Variants in ALG12 observed in about 807,000 individuals in gnomAD.
ALG12 encodes the protein ALG12 alpha-1,6-mannosyltransferase.
A neutral mutation model predicts 46.0 loss-of-function variants in ALG12; 36 were observed. The observed-to-expected ratio is 0.78, with a 90% CI of 0.60 to 1.03. ALG12 has a LOEUF of 1.03. ALG12 is among the 50% of genes least tolerant of loss of function. ALG12 has a pLI of 0.00. For missense variants in ALG12, 599 were observed against 633.5 expected, an observed-to-expected ratio of 0.95 and a Z score of 0.58; for synonymous variants, 326 against 291.6, an observed-to-expected ratio of 1.12 and a Z score of -1.20.
At chr22:49,874,435 G>C in the ALG12 span, among the ~76,000 whole-genome samples, 7 of 151,274 alleles carry the variant, frequency 4.6e-5, no homozygotes, top group Non-Finnish European at 1.0e-4. Context: ...TCCCAGGCTG[G>C]AGTGCAGTGG....
chr22:49,866,735 T>C, the ALG12 span, among the ~76,000 whole-genome samples: 2 of 152,236 alleles, frequency 1.3e-5, no homozygotes, highest in Non-Finnish European at 2.9e-5. Flanking sequence ...GTGACAGAAT[T>C]CTTTTCTGTT....
chr22:49,865,961 C>T, the ALG12 span, among the ~76,000 whole-genome samples: 1 of 152,086 alleles, frequency 6.6e-6, no homozygotes, highest in East Asian at 1.9e-4. Flanking sequence ...GCCCTCCCGC[C>T]TCCACCTCCC....
At chr22:49,885,741 C>T in the ALG12 span, 58 of 1,601,262 alleles carry the variant, frequency 3.6e-5, no homozygotes, top group African/African-American at 5.8e-4. Context: ...CTCAGTACTC[C>T]CTCCCCGCCC....
At chr22:49,910,400 C>T (rs774274834) in intron 4 of ALG12, 34 bp downstream of exon 4, 2 of 1,608,538 alleles carry the variant, frequency 1.2e-6, no homozygotes, top group Non-Finnish European at 1.7e-6. Flanking sequence ...TGCCCGGCAC[C>T]ATGGGTGTGC....
At chr22:49,887,969 C>G in the ALG12 span, 2 of 167,248 alleles carry the variant, frequency 1.2e-5, no homozygotes, top group African/African-American at 2.4e-5. Context: ...GAAACCCCCA[C>G]GCCTCCGCTT....
downstream of ALG12, among the ~76,000 whole-genome samples, chr22:49,898,338 T>C (rs1477869527): frequency 6.6e-6 from 1 of 152,048 alleles, no homozygotes; most frequent in Admixed American, 6.6e-5. Flanking sequence ...GTTTCACAAA[T>C]ATCAAATATT....
chr22:49,885,763 T>G, the ALG12 span: 1 of 1,605,582 alleles, frequency 6.2e-7, no homozygotes, highest in Non-Finnish European at 8.5e-7. Context: ...TTCCTACTTC[T>G]CCAGGACAGC....
intron 1 of ALG12, among the ~76,000 whole-genome samples, chr22:49,917,667 C>CA (rs375902317): frequency 1.7e-4 from 25 of 148,828 alleles, no homozygotes; most frequent in South Asian, 2.1e-4. Context: ...GACTCCGTCT[C>CA]AAAAAAACAG....
At chr22:49,885,413 G>A in the ALG12 span, 648 of 1,606,702 alleles carry the variant, frequency 4.0e-4, 2 homozygotes, top group Middle Eastern at 2.3e-3. Context: ...CACTGTGGCC[G>A]GACCATCAGC....
the ALG12 span, among the ~76,000 whole-genome samples, chr22:49,870,719 T>C: frequency 6.6e-6 from 1 of 152,152 alleles, no homozygotes; most frequent in Non-Finnish European, 1.5e-5. Flanking sequence ...TTCAGACCTT[T>C]GTCAGATGCA....
chr22:49,865,076 A>T, the ALG12 span, among the ~76,000 whole-genome samples: 1 of 151,866 alleles, frequency 6.6e-6, no homozygotes, highest in Non-Finnish European at 1.5e-5. Flanking sequence ...GTGTGTTCTG[A>T]GAAATGCGTT....
the ALG12 span, chr22:49,887,318 G>A: frequency 8.1e-6 from 7 of 858,898 alleles, no homozygotes; most frequent in African/African-American, 1.0e-4. Context: ...GCTCACCACA[G>A]TGTCTCCACG....
Position 49,913,819 on chromosome 22 carries a change from C to A in ALG12, c.-54G>T. 6.2e-7 allele frequency: 1 copy of A among 1,605,864 alleles called. No homozygotes were observed. On this transcript the variant is annotated 5_prime_UTR_variant, in exon 2 of 10. Coordinates refer to ENST00000330817, the MANE Select transcript of ALG12 (RefSeq NM_024105.4). ...CAGGCCAACAGTGCGAGACACCAGC[C>A]GTTAGCACTGCCACTCCACGCATGC... is the stretch of plus-strand genomic sequence containing the variant.
the ALG12 span, among the ~76,000 whole-genome samples, chr22:49,872,142 T>C: frequency 1.3e-5 from 2 of 152,238 alleles, no homozygotes. Context: ...GTAGAACTTC[T>C]TTCAAAATTG....
chr22:49,885,194 G>T, the ALG12 span: 2 of 1,613,886 alleles, frequency 1.2e-6, no homozygotes, highest in African/African-American at 2.7e-5. Context: ...GTTGTCGGGA[G>T]CCAGAAGGGC....
the ALG12 span, among the ~76,000 whole-genome samples, chr22:49,891,155 TCTA>T: frequency 2.6e-5 from 4 of 152,242 alleles, no homozygotes; most frequent in African/African-American, 9.6e-5. Context: ...CTAGGCCACT[TCTA>T]CCTCTTGGTA....
chr22:49,881,239 C>A, the ALG12 span, among the ~76,000 whole-genome samples: 1 of 152,156 alleles, frequency 6.6e-6, no homozygotes, highest in Non-Finnish European at 1.5e-5. Context: ...ATCCCAGCTA[C>A]TTGGGAGGCT....
Position 49,913,472 on chromosome 22 carries a change from C to T in ALG12, c.208G>A (p.Gly70Arg), listed in dbSNP as rs1208318216. ...FPGVVPRTFLGPVVIAVFSSP... is the reference protein window; with the variant it reads ...FPGVVPRTFLRPVVIAVFSSP... ...GAGAACACTGCGATCACCACTGGCC[C>T]GAGGAACGTCCTGGGGACGACTCCG... Residue 70 changes from glycine to arginine, a missense_variant, in exon 3 of 10, where the codon GGG (glycine) becomes AGG (arginine). Physicochemically the swap from Gly to Arg is moderately radical, Grantham distance 125. Transcript: ENST00000330817. 7.4e-6 allele frequency: 12 copies of T among 1,613,984 alleles called. No individual in the cohort carries two copies. Among genetic ancestry groups the T allele is most frequent in the East Asian group, 4.5e-5 (2 of 44,890 alleles).
At chr22:49,883,501 C>T in the ALG12 span, 3 of 1,019,096 alleles carry the variant, frequency 2.9e-6, no homozygotes, top group Non-Finnish European at 4.1e-6. Context: ...GTCACAGATT[C>T]TTTTTTTCAG....
Sources: gnomAD v4.1 joint callset for allele counts (sites outside exome capture counted in the v4.1 genomes callset) on GRCh38, gnomAD v4.1.1 for gene constraint, MANE v1.5 for transcripts, NCBI Gene and HGNC (gene_info 2026-07-23, HGNC 2026-07-21) for gene names.